PFKP: variants seen among roughly 807,000 people sequenced by gnomAD.
PFKP encodes the protein ATP-dependent 6-phosphofructokinase, platelet type.
Under a neutral mutation model 94.3 loss-of-function variants are expected in PFKP, and 101 were observed. The observed-to-expected ratio is 1.07, with a 90% CI of 0.91 to 1.26. The LOEUF is 1.26. Ranked by LOEUF, PFKP falls within the 50% of genes most tolerant of loss-of-function variation. The pLI is 0.00. For missense variants in PFKP, 1,145 were observed against 1,103.3 expected (o/e 1.04, Z -0.53); for synonymous variants, 573 against 432.6 (o/e 1.32, Z -4.03).
intron 1 of PFKP, among the ~76,000 whole-genome samples, chr10:3,068,209 G>C (rs1009288447): frequency 5.3e-5 from 8 of 152,074 alleles, no homozygotes; most frequent in African/African-American, 1.9e-4. Flanking sequence ...CCACCCCCTA[G>C]AATGTCGAGG....
chr10:3,116,676 G>C, intron 13 of PFKP, 100 bp from the exon 14 acceptor site: 1 of 869,948 alleles, frequency 1.1e-6, no homozygotes, highest in South Asian at 1.3e-5. Flanking sequence ...ATCTTTACCG[G>C]AATGCAGCTT....
Position 3,113,419 on chromosome 10 carries a change from G to A in PFKP, c.1272G>A (p.Gly424=), listed in dbSNP as rs1409596649. Residue 424 remains glycine, a synonymous_variant, in exon 13 of 22, where the codon GGG becomes GGA. Coordinates refer to ENST00000381125, the MANE Select transcript of PFKP (RefSeq NM_002627.5). The part of the protein sequence containing the change: ...AVINVGAPAA[G]MNAAVRSAVR... ...TCAACGTGGGGGCACCCGCGGCTGG[G>A]ATGAACGCAGCCGTACGCTCAGCTG... 1.9e-6 allele frequency: 3 copies of A among 1,603,304 alleles called. No individual in the cohort carries two copies. The highest frequency in any genetic ancestry group is 4.5e-5 in the East Asian group (2 of 44,652).
intron 20 of PFKP, 35 bp downstream of exon 20, chr10:3,134,617 G>T: frequency 7.5e-7 from 1 of 1,330,914 alleles, no homozygotes; most frequent in Non-Finnish European, 1.1e-6. Flanking sequence ...ACAGCCTCGT[G>T]ATGCAGGCCG....
chr10:3,071,125 G>A (rs1333450499), intron 1 of PFKP, among the ~76,000 whole-genome samples: 1 of 152,026 alleles, frequency 6.6e-6, no homozygotes, highest in Admixed American at 6.6e-5. Flanking sequence ...TCAAAAGTGA[G>A]CAAAACCCGA....
intron 21 of PFKP, among the ~76,000 whole-genome samples, chr10:3,136,135 A>C (rs190981735): frequency 6.6e-6 from 1 of 152,266 alleles, no homozygotes; most frequent in East Asian, 1.9e-4. Context: ...ATGGTGATGC[A>C]CACCTGTAGT....
chr10:3,130,577 T>G (rs1420071228), intron 17 of PFKP, among the ~76,000 whole-genome samples: 1 of 152,102 alleles, frequency 6.6e-6, no homozygotes, highest in East Asian at 1.9e-4. Context: ...TTGTCTTTAT[T>G]TAGAGAGGGA....
In PFKP at chr10:3,118,765, C is replaced by G. The variant is rs1215056350; in HGVS notation, c.1443-17C>G. On this transcript the variant is annotated splice_polypyrimidine_tract_variant and intron_variant, in intron 14 of 21. Transcript: ENST00000381125. Reference sequence around the variant, plus strand: ...GTTTGGGGTGTCTGACATCGTTCTCCACGTGGCTATTTTCAGCGTTCTCCC... The same window carrying G: ...GTTTGGGGTGTCTGACATCGTTCTCGACGTGGCTATTTTCAGCGTTCTCCC... The G allele has an allele frequency of 1.9e-6, 3 of 1,598,680 alleles. No individual in the cohort carries two copies. The highest frequency in any genetic ancestry group is 2.6e-6 in the Non-Finnish European group (3 of 1,166,744).
intron 1 of PFKP, among the ~76,000 whole-genome samples, chr10:3,081,406 C>T (rs1458624124): frequency 6.6e-6 from 1 of 152,260 alleles, no homozygotes; most frequent in African/African-American, 2.4e-5. Context: ...CCACGAACTG[C>T]AGCATCTTTA....
chr10:3,103,410 G>C (rs757504705), intron 4 of PFKP, among the ~76,000 whole-genome samples: 1 of 152,156 alleles, frequency 6.6e-6, no homozygotes, highest in Admixed American at 6.5e-5. Context: ...ACTTTGGAAG[G>C]CCAAGGCAGA....
intron 17 of PFKP, among the ~76,000 whole-genome samples, chr10:3,131,174 C>CTT (rs1336546070): frequency 6.6e-6 from 1 of 152,084 alleles, no homozygotes; most frequent in Non-Finnish European, 1.5e-5. Flanking sequence ...TTTTCTACAT[C>CTT]TAGACATGTT....
rs1472040560 is a variant in PFKP at position 3,109,490 on chromosome 10, C to T, written c.1089+10C>T. On this transcript the variant is annotated intron_variant, in intron 10 of 21. Transcript: ENST00000381125. Reference sequence around the variant, plus strand: ...GGAGTGCGTGCAGATGGTGAGTGGGCAGCCCATGGCCAAGGGCAGGGCGGA... The same window carrying T: ...GGAGTGCGTGCAGATGGTGAGTGGGTAGCCCATGGCCAAGGGCAGGGCGGA... The T allele has an allele frequency of 3.7e-6, 6 of 1,601,704 alleles. No individual in the cohort carries two copies. Among genetic ancestry groups the T allele is most frequent in the Non-Finnish European group, 5.1e-6 (6 of 1,179,390 alleles).
intron 1 of PFKP, among the ~76,000 whole-genome samples, chr10:3,081,604 G>A (rs1034000651): frequency 1.3e-5 from 2 of 152,180 alleles, no homozygotes; most frequent in Non-Finnish European, 2.9e-5. Flanking sequence ...TGTTAGCCAC[G>A]ACAGCAAGAC....
At chr10:3,070,640 G>A (rs113379686) in intron 1 of PFKP, among the ~76,000 whole-genome samples, 3 of 152,292 alleles carry the variant, frequency 2.0e-5, no homozygotes, top group African/African-American at 7.2e-5. Context: ...TGGGGAGAAA[G>A]ACTCAGAAAG....
rs2131739227 is a variant in PFKP, at chr10:3,134,388, A to T, written c.2023-95A>T. 3.8e-6 allele frequency: 3 copies of T among 783,562 alleles called. No individual in the cohort carries two copies. In the East Asian group the frequency reaches 7.3e-5, roughly 19 times the overall value. 48.5% of individuals were successfully genotyped at this position (783,562 alleles called of 1,614,324 possible). On this transcript the variant is annotated intron_variant, in intron 19 of 21. Coordinates refer to ENST00000381125, the MANE Select transcript of PFKP (RefSeq NM_002627.5). ...TCCAACTATAAGGACCTAGAAATAA[A>T]AACATGAATTCTGCAAAATAGAAAT...
chr10:3,071,364 G>C (rs1832162272), intron 1 of PFKP, among the ~76,000 whole-genome samples: 1 of 146,546 alleles, frequency 6.8e-6, no homozygotes, highest in Non-Finnish European at 1.5e-5. Context: ...TATTTCTCAG[G>C]CTGTTTTTGT....
chr10:3,120,092 C>A (rs763666875), intron 16 of PFKP, 48 bp downstream of exon 16: 4 of 1,583,898 alleles, frequency 2.5e-6, no homozygotes, highest in East Asian at 2.2e-5. Flanking sequence ...GACGCTAACC[C>A]CGGGGCCCCG....
intron 1 of PFKP, among the ~76,000 whole-genome samples, chr10:3,077,428 ATTTTT>A (rs531950487): frequency 1.4e-5 from 2 of 145,840 alleles, no homozygotes; most frequent in African/African-American, 2.5e-5. Flanking sequence ...TGCCCGGCTA[ATTTTT>A]TTTTTTGTAT....
intron 1 of PFKP, among the ~76,000 whole-genome samples, chr10:3,073,603 T>C (rs1832357980): frequency 6.6e-6 from 1 of 151,410 alleles, no homozygotes; most frequent in Non-Finnish European, 1.5e-5. Context: ...CTCCCAGGAG[T>C]CCCATGGGAT....
intron 1 of PFKP, among the ~76,000 whole-genome samples, chr10:3,081,529 C>A (rs61835117): frequency 6.6e-6 from 1 of 152,128 alleles, no homozygotes; most frequent in Non-Finnish European, 1.5e-5. Flanking sequence ...CCTTAAGCAG[C>A]AGCGCTGCAT....
Sources: allele counts gnomAD v4.1 joint callset (sites outside exome capture counted in the v4.1 genomes callset), GRCh38; gene constraint gnomAD v4.1.1; transcripts MANE v1.5; gene names NCBI Gene and HGNC (gene_info 2026-07-23, HGNC 2026-07-21).